The following EFHC2 variants were observed in gnomAD, a reference collection of about 807,000 sequenced individuals.
EFHC2 encodes EF-hand domain containing 2, also known as EF-hand domain-containing family member C2.
A neutral mutation model predicts 52.7 loss-of-function variants in EFHC2; 18 were observed. The ratio of observed to expected loss-of-function variants is 0.34; its 90% CI spans 0.24 to 0.51. The LOEUF (loss-of-function observed/expected upper bound fraction) is 0.51, where lower values mean the gene tolerates loss of function less well. Ranked by LOEUF, EFHC2 falls within the 20% of genes least tolerant of loss-of-function variation. The pLI, the probability that EFHC2 is intolerant of heterozygous loss-of-function variation, is 0.97. For missense variants in EFHC2, 513 were observed against 562.5 expected (o/e 0.91, Z 0.89); for synonymous variants, 203 against 204.1 (o/e 0.99, Z 0.04).
chrX:44,249,303 G>C (rs1310861204), intron 5 of EFHC2, among the ~76,000 whole-genome samples: 1 of 111,397 alleles, frequency 9.0e-6, no homozygotes, highest in Non-Finnish European at 1.9e-5. Context: ...TCGGAAATTA[G>C]CATTATGGTA....
intron 1 of EFHC2, among the ~76,000 whole-genome samples, chrX:44,322,693 G>A (rs1263289557): frequency 8.9e-6 from 1 of 111,960 alleles, no homozygotes; most frequent in Admixed American, 9.5e-5. Context: ...GAATATCTGT[G>A]CCTGTGCCTG....
chrX:44,155,177 G>A (rs1377526267), intron 14 of EFHC2, among the ~76,000 whole-genome samples: 1 of 112,148 alleles, frequency 8.9e-6, no homozygotes, highest in African/African-American at 3.2e-5. Context: ...ATTCTAAAAT[G>A]TCTGGGAATC....
intron 13 of EFHC2, among the ~76,000 whole-genome samples, chrX:44,167,736 G>T (rs986594671): frequency 3.6e-5 from 4 of 111,757 alleles, no homozygotes; most frequent in Non-Finnish European, 5.6e-5. Flanking sequence ...TGTCTTAGAG[G>T]ATCTCAGTGT....
chrX:44,223,172 A>G (rs2037207052), intron 11 of EFHC2, among the ~76,000 whole-genome samples: 1 of 112,605 alleles, frequency 8.9e-6, no homozygotes, highest in Admixed American at 9.4e-5. Flanking sequence ...TCTACCAATC[A>G]GGGAAGCTTA....
rs745596939 is a variant in EFHC2 at position 44,187,934 on chromosome X, C to T, written c.1752-9370G>A. Among the ~76,000 whole-genome samples the T allele has an allele frequency of 6.6e-5, 7 of 106,598 alleles. No individual in the cohort carries two copies. In the East Asian group the frequency reaches 2.1e-3, roughly 32 times the overall value. The allele number at this position is 106,598 out of a possible 115,157, so 92.6% of individuals were successfully genotyped here. The stretch of plus-strand genomic sequence containing the variant: ...TATCCTTTCAAAAAGTGTTTCCTGT[C>T]AAACATGGAGACAGAAGTAAAAGAA... On this transcript the variant is annotated intron_variant, in intron 11 of 14. Coordinates refer to ENST00000420999, the MANE Select transcript of EFHC2 (RefSeq NM_025184.4).
At chrX:44,307,320 T>C (rs776993981) in intron 2 of EFHC2, among the ~76,000 whole-genome samples, 2 of 112,314 alleles carry the variant, frequency 1.8e-5, no homozygotes, top group Non-Finnish European at 1.9e-5. Context: ...TAAAAGCTAC[T>C]GGAAAAACTG....
At chrX:44,310,139 A>T in intron 2 of EFHC2, 1 of 692,665 alleles carries the variant, frequency 1.4e-6, no homozygotes, top group African/African-American at 2.1e-5. Flanking sequence ...CCCAGTGCCG[A>T]ATGTCCTTGG....
intron 1 of EFHC2, among the ~76,000 whole-genome samples, chrX:44,322,167 GACAA>G (rs1329164565): frequency 3.3e-4 from 36 of 109,699 alleles, no homozygotes; most frequent in Non-Finnish European, 9.5e-5. Context: ...CAGTGGTACA[GACAA>G]ACAATCTCAC....
intron 1 of EFHC2, among the ~76,000 whole-genome samples, chrX:44,321,483 A>G (rs1045591110): frequency 1.8e-5 from 2 of 111,672 alleles, no homozygotes; most frequent in African/African-American, 6.5e-5. Context: ...GGAATGAATG[A>G]TGATAGTGCA....
chrX:44,234,800 C>T (rs73196199), intron 9 of EFHC2, among the ~76,000 whole-genome samples: 3,729 of 111,594 alleles, frequency 0.033, 63 homozygotes, highest in Non-Finnish European at 0.047. Context: ...ATTCTGTGGG[C>T]CTGAGTGCTG....
chrX:44,176,188 T>A lies in EFHC2; in HGVS notation c.2042+104A>T, dbSNP rs983062550. ...TCACCAATAATATAATCAAAACAGTTAAGGGTAAATCAAGGGTAATTAAAG... is the reference window on the plus strand; with the variant it reads ...TCACCAATAATATAATCAAAACAGTAAAGGGTAAATCAAGGGTAATTAAAG... On this transcript the variant is annotated intron_variant, in intron 13 of 14. Coordinates refer to ENST00000420999, the MANE Select transcript of EFHC2 (RefSeq NM_025184.4). 16 of 626,382 alleles carry A rather than the reference T, an allele frequency of 2.6e-5. No homozygotes were observed. The African/African-American group carries it at 3.7e-4, about 14-fold the overall frequency. The allele number at this position is 626,382 out of a possible 1,213,427, so 51.6% of individuals were successfully genotyped here.
rs3037406 is a variant in EFHC2 at position 44,152,725 on chromosome X, T to TACACACACACAC, written c.2149-3841_2149-3830dup. Among the ~76,000 whole-genome samples, 118 of 99,426 alleles carry TACACACACACAC rather than the reference T, an allele frequency of 1.2e-3. 2 individuals are homozygous for TACACACACACAC. Among genetic ancestry groups the TACACACACACAC allele is most frequent in the African/African-American group, 4.2e-3 (114 of 27,108 alleles). 86.3% of individuals were successfully genotyped at this position (99,426 alleles called of 115,157 possible). ...CTTACACCAAAAAGTAGTAAACCATTACACACACACACACACACACACACA... is the reference window on the plus strand; with the variant it reads ...CTTACACCAAAAAGTAGTAAACCATTACACACACACACACACACACACACACACACACACACA... On this transcript the variant is annotated intron_variant, in intron 14 of 14. Coordinates refer to ENST00000420999, the MANE Select transcript of EFHC2 (RefSeq NM_025184.4).
chrX:44,158,129 C>T (rs1396241014), intron 14 of EFHC2, among the ~76,000 whole-genome samples: 1 of 111,528 alleles, frequency 9.0e-6, no homozygotes, highest in Admixed American at 9.5e-5. Context: ...GTTAGTCACA[C>T]TAGACTGGGA....
At chrX:44,225,262 A>AC (rs1427630813) in intron 11 of EFHC2, among the ~76,000 whole-genome samples, 4 of 110,001 alleles carry the variant, frequency 3.6e-5, no homozygotes, top group Non-Finnish European at 5.7e-5. Context: ...AAAAAAAAAA[A>AC]AACAAAAACC....
At chrX:44,207,792 TCAA>T (rs747217052) in intron 11 of EFHC2, among the ~76,000 whole-genome samples, 26 of 110,302 alleles carry the variant, frequency 2.4e-4, no homozygotes, top group East Asian at 5.7e-4. Context: ...TAAACTTAAA[TCAA>T]CAACAACAAC....
chrX:44,292,085 A>G (rs1346022913), intron 2 of EFHC2, among the ~76,000 whole-genome samples: 1 of 111,890 alleles, frequency 8.9e-6, no homozygotes, highest in Non-Finnish European at 1.9e-5. Context: ...GACATTCAAT[A>G]TGAAAAATAC....
chrX:44,313,828 A>T (rs141990105), intron 1 of EFHC2, among the ~76,000 whole-genome samples: 2,913 of 110,454 alleles, frequency 0.026, 91 homozygotes, highest in African/African-American at 0.093. Flanking sequence ...GGTGGTGGGC[A>T]CCTGTAATCC....
At chrX:44,321,044 C>G (rs1260325633) in intron 1 of EFHC2, among the ~76,000 whole-genome samples, 2 of 111,598 alleles carry the variant, frequency 1.8e-5, no homozygotes, top group Admixed American at 9.6e-5. Flanking sequence ...ATAGTCCAGG[C>G]AAGAAATGAT....
intron 4 of EFHC2, among the ~76,000 whole-genome samples, chrX:44,254,778 CA>C (rs2037479408): frequency 9.0e-6 from 1 of 111,634 alleles, no homozygotes; most frequent in Non-Finnish European, 1.9e-5. Context: ...GAGGAAACCA[CA>C]AAGATACTTC....
Sources: allele counts gnomAD v4.1 joint callset (sites outside exome capture counted in the v4.1 genomes callset), GRCh38; gene constraint gnomAD v4.1.1; transcripts MANE v1.5; gene names NCBI Gene and HGNC (gene_info 2026-07-23, HGNC 2026-07-21).